MLLT3: variants seen among roughly 807,000 people sequenced by gnomAD.
The protein encoded by MLLT3 is protein AF-9.
A neutral mutation model predicts 53.2 loss-of-function variants in MLLT3; 4 were observed. The ratio of observed to expected loss-of-function variants is 0.08; its 90% confidence interval spans 0.04 to 0.17. The LOEUF is 0.17. Ranked by LOEUF, MLLT3 falls within the 10% of genes least tolerant of loss-of-function variation. The pLI is 1.00. For missense variants in MLLT3, 569 were observed against 684.0 expected (o/e 0.83, Z 1.87); for synonymous variants, 283 against 230.6 (o/e 1.23, Z -2.06).
intron 3 of MLLT3, 94 bp downstream of exon 3, chr9:20,456,610 G>A: frequency 1.2e-6 from 1 of 867,882 alleles, no homozygotes; most frequent in Non-Finnish European, 1.9e-6. Context: ...AAATCATCTA[G>A]TGACAGAAGT....
rs144744992 is a variant in MLLT3, at chr9:20,548,518, T to C, written c.193+72136A>G. On this transcript the variant is annotated intron_variant, in intron 2 of 10. Coordinates refer to ENST00000380338, the MANE Select transcript of MLLT3 (RefSeq NM_004529.4). ...ATCCCATTGGAGTACATACAGTAAA[T>C]GGATTTTAATTGTAATAATTAATTA... 3.3e-3 allele frequency among the ~76,000 whole-genome samples: 497 copies of C among 152,344 alleles called. 1 individual carries two copies. The highest frequency in any genetic ancestry group is 5.6e-3 in the Admixed American group (85 of 15,292).
At chr9:20,353,103 C>T (rs1821076223) in intron 10 of MLLT3, among the ~76,000 whole-genome samples, 1 of 151,992 alleles carries the variant, frequency 6.6e-6, no homozygotes, top group Admixed American at 6.6e-5. Flanking sequence ...CTTAGAATAT[C>T]ATTGGCAAAG....
At chr9:20,447,650 A>C (rs566689827) in intron 4 of MLLT3, among the ~76,000 whole-genome samples, 3 of 152,290 alleles carry the variant, frequency 2.0e-5, no homozygotes, top group African/African-American at 7.2e-5. Flanking sequence ...ATTCAAACAA[A>C]CAAAAATGTC....
At chr9:20,538,001 T>C (rs181079206) in intron 2 of MLLT3, among the ~76,000 whole-genome samples, 1 of 152,292 alleles carries the variant, frequency 6.6e-6, no homozygotes. Flanking sequence ...CATATAACTA[T>C]TAAAAGATTT....
chr9:20,521,321 T>C (rs1268149809), intron 2 of MLLT3, among the ~76,000 whole-genome samples: 5 of 152,186 alleles, frequency 3.3e-5, no homozygotes, highest in African/African-American at 1.2e-4. Context: ...TCTGCCCACC[T>C]TGGCCTCCCA....
chr9:20,604,726 C>G (rs1164709327), intron 2 of MLLT3, among the ~76,000 whole-genome samples: 1 of 152,088 alleles, frequency 6.6e-6, no homozygotes, highest in Non-Finnish European at 1.5e-5. Flanking sequence ...AGCAAAAGCT[C>G]AAGGAAGTGA....
chr9:20,584,565 G>T (rs1819898587), intron 2 of MLLT3, among the ~76,000 whole-genome samples: 1 of 152,204 alleles, frequency 6.6e-6, no homozygotes, highest in African/African-American at 2.4e-5. Flanking sequence ...ATCATGGCAG[G>T]AGGTGAAAGG....
chr9:20,603,599 T>C lies in MLLT3; in HGVS notation c.193+17055A>G, dbSNP rs754275979. ...CATCTAAGGATTAGTTAGGCTTTTCTACACTTCTTTTTATCAGGACTCTAC... is the reference window on the plus strand; with the variant it reads ...CATCTAAGGATTAGTTAGGCTTTTCCACACTTCTTTTTATCAGGACTCTAC... On this transcript the variant is annotated intron_variant, in intron 2 of 10. Transcript: ENST00000380338. Among the ~76,000 whole-genome samples, 116 of 152,090 alleles carry C rather than the reference T, an allele frequency of 7.6e-4. 2 individuals are homozygous for C. The highest frequency in any genetic ancestry group is 1.2e-4 in the Non-Finnish European group (8 of 67,960).
chr9:20,472,069 C>T (rs1250577513), intron 2 of MLLT3, among the ~76,000 whole-genome samples: 2 of 151,890 alleles, frequency 1.3e-5, no homozygotes, highest in Middle Eastern at 3.2e-3. Flanking sequence ...TAGTTTAATG[C>T]TCTTATTATC....
intron 2 of MLLT3, among the ~76,000 whole-genome samples, chr9:20,536,510 C>T (rs537741471): frequency 3.2e-4 from 49 of 152,246 alleles, no homozygotes; most frequent in African/African-American, 1.1e-3. Flanking sequence ...GCAATGCTAG[C>T]CCGTAAAATT....
chr9:20,368,394 G>A (rs1187401010), intron 5 of MLLT3, among the ~76,000 whole-genome samples: 1 of 152,180 alleles, frequency 6.6e-6, no homozygotes, highest in Non-Finnish European at 1.5e-5. Flanking sequence ...CCATCTGGGA[G>A]CCGAAAAGGA....
rs1295979644 is a variant in MLLT3, at chr9:20,414,366, GCTGCTGCTGCTA to G, written c.468_479del (p.Ser187_Ser190del). Reference sequence around the variant, plus strand: ...TGCTACTGCTGCTGCTGCTGCTGCTGCTGCTGCTGCTACTGCTGCTGCTGCTGCTGCTGCTGG... The same window carrying G: ...TGCTACTGCTGCTGCTGCTGCTGCTGCTGCTGCTGCTGCTGCTGCTGCTGG... On this transcript the variant is annotated inframe_deletion, in exon 5 of 11. Transcript: ENST00000380338. 1.1e-4 allele frequency: 172 copies of G among 1,603,312 alleles called. 2 individuals carry two copies. Among genetic ancestry groups the G allele is most frequent in the African/African-American group, 3.4e-4 (25 of 74,558 alleles).
intron 3 of MLLT3, among the ~76,000 whole-genome samples, chr9:20,450,105 G>C (rs558841842): frequency 3.3e-5 from 5 of 152,188 alleles, no homozygotes; most frequent in African/African-American, 4.8e-5. Flanking sequence ...TGTTATCTTG[G>C]AATACAGCAA....
chr9:20,432,376 T>C (rs529806836), intron 4 of MLLT3, among the ~76,000 whole-genome samples: 6 of 151,926 alleles, frequency 3.9e-5, no homozygotes, highest in Non-Finnish European at 7.3e-5. Flanking sequence ...GTTACTAATA[T>C]ATTCTTACCT....
chr9:20,422,393 GGGAA>G (rs1823031740), intron 4 of MLLT3, among the ~76,000 whole-genome samples: 1 of 152,112 alleles, frequency 6.6e-6, no homozygotes, highest in Non-Finnish European at 1.5e-5. Flanking sequence ...GACCTGACCA[GGGAA>G]GAGCAGCAGT....
At chr9:20,504,366 G>C (rs927629315) in intron 2 of MLLT3, among the ~76,000 whole-genome samples, 2 of 151,858 alleles carry the variant, frequency 1.3e-5, no homozygotes, top group Non-Finnish European at 2.9e-5. Context: ...GTGTGTGTGT[G>C]TGTGTGTACA....
intron 2 of MLLT3, among the ~76,000 whole-genome samples, chr9:20,556,345 C>T (rs1819057153): frequency 6.6e-6 from 1 of 151,882 alleles, no homozygotes; most frequent in Non-Finnish European, 1.5e-5. Context: ...ACATGATAAT[C>T]CATAAAAGAC....
In MLLT3 at chr9:20,417,754, T is replaced by A. The variant is rs80086735; in HGVS notation, c.421-3329A>T. Among the ~76,000 whole-genome samples the A allele has an allele frequency of 3.7e-3, 562 of 152,330 alleles. 2 individuals carry two copies. The highest frequency in any genetic ancestry group is 5.8e-3 in the Admixed American group (88 of 15,294). On this transcript the variant is annotated intron_variant, in intron 4 of 10. Coordinates refer to ENST00000380338, the MANE Select transcript of MLLT3 (RefSeq NM_004529.4). ...TGAATGCTTCCTTGTTTTAATTTTTTGGAACAGAATGGGTATCTTTAATGT... is the reference window on the plus strand; with the variant it reads ...TGAATGCTTCCTTGTTTTAATTTTTAGGAACAGAATGGGTATCTTTAATGT...
At chr9:20,432,047 T>C (rs1221155132) in intron 4 of MLLT3, among the ~76,000 whole-genome samples, 1 of 152,162 alleles carries the variant, frequency 6.6e-6, no homozygotes, top group African/African-American at 2.4e-5. Context: ...TTAGAGTGGT[T>C]TGTAATATAA....
Sources: allele counts gnomAD v4.1 joint callset (sites outside exome capture counted in the v4.1 genomes callset), GRCh38; gene constraint gnomAD v4.1.1; transcripts MANE v1.5; gene names NCBI Gene and HGNC (gene_info 2026-07-23, HGNC 2026-07-21).